Variants in CNTN5 observed in about 807,000 individuals in gnomAD.
CNTN5 encodes the protein contactin-5.
A neutral mutation model predicts 129.1 loss-of-function variants in CNTN5; 77 were observed. The ratio of observed to expected loss-of-function variants is 0.60; its 90% CI spans 0.50 to 0.72. The LOEUF (loss-of-function observed/expected upper bound fraction) is 0.72. Among genes scored for constraint, CNTN5 ranks in the 30% least tolerant of loss-of-function variants. The probability of loss-of-function intolerance (pLI) is 0.00; values close to 1 mark genes in which losing one functional copy is unlikely to be tolerated. For synonymous variants in CNTN5, 509 were observed against 465.6 expected, an observed-to-expected ratio of 1.09 and a Z score of -1.20; for missense variants, 1,478 against 1,328.8, an observed-to-expected ratio of 1.11 and a Z score of -1.75.
chr11:99,651,651 TTAAAA>T (rs1377073122), intron 3 of CNTN5, among the ~76,000 whole-genome samples: 1 of 152,134 alleles, frequency 6.6e-6, no homozygotes, highest in African/African-American at 2.4e-5. Flanking sequence ...ACCCATCTAG[TTAAAA>T]TAAAATGAAG....
chr11:100,055,029 A>G (rs12803699), intron 9 of CNTN5, among the ~76,000 whole-genome samples: 1 of 42,344 alleles, frequency 2.4e-5, no homozygotes, highest in Non-Finnish European at 4.4e-5. Context: ...GCCGTAGCCT[A>G]AAAAAAAAAA....
chr11:100,094,112 A>C (rs1591230237), intron 13 of CNTN5, among the ~76,000 whole-genome samples: 1 of 152,244 alleles, frequency 6.6e-6, no homozygotes, highest in African/African-American at 2.4e-5. Context: ...TTGGGTTAAA[A>C]AAATTAAAAA....
chr11:99,536,112 A>G (rs1423726044), intron 2 of CNTN5, among the ~76,000 whole-genome samples: 2 of 152,150 alleles, frequency 1.3e-5, no homozygotes, highest in Non-Finnish European at 2.9e-5. Context: ...TTAACTGATG[A>G]AACTGCAATG....
chr11:99,400,386 TC>T (rs1178596755), intron 2 of CNTN5, among the ~76,000 whole-genome samples: 1 of 152,150 alleles, frequency 6.6e-6, no homozygotes, highest in Non-Finnish European at 1.5e-5. Context: ...TTGTTGCTTA[TC>T]AAATGGTGAG....
intron 1 of CNTN5, among the ~76,000 whole-genome samples, chr11:99,263,976 C>T (rs146140920): frequency 4.4e-4 from 67 of 152,160 alleles, no homozygotes; most frequent in East Asian, 2.7e-3. Context: ...TTATCATTTA[C>T]TTTATATGCT....
chr11:99,556,405 A>G lies in CNTN5; in HGVS notation c.55+136A>G, dbSNP rs905723694. On this transcript the variant is annotated intron_variant, in intron 3 of 24. Transcript: ENST00000524871. ...GTATTTATACTTTCCAACAAGAGAA[A>G]GGCAGCAACCCTTAAGCCGCTGTTA... The G allele has an allele frequency of 6.1e-6, 3 of 490,040 alleles. No individual in the cohort carries two copies. In the East Asian group the frequency reaches 9.6e-5, roughly 16 times the overall value. The allele number at this position is 490,040 out of a possible 1,614,324, so 30.4% of individuals were successfully genotyped here. A position where few individuals can be genotyped will look rare whatever the true frequency, so the allele number is the denominator to read the frequency against.
At chr11:99,266,806 T>C (rs139609665) in intron 1 of CNTN5, among the ~76,000 whole-genome samples, 6 of 151,968 alleles carry the variant, frequency 3.9e-5, no homozygotes, top group Non-Finnish European at 8.8e-5. Context: ...GAGGAACAAG[T>C]GTACTTTGCC....
intron 3 of CNTN5, among the ~76,000 whole-genome samples, chr11:99,758,397 A>T (rs55993146): frequency 0.036 from 5,406 of 152,202 alleles, 140 homozygotes; most frequent in South Asian, 0.099. Flanking sequence ...CTAACGTATA[A>T]CATATAAAGC....
intron 2 of CNTN5, among the ~76,000 whole-genome samples, chr11:99,448,856 C>A (rs777915176): frequency 1.8e-4 from 27 of 151,194 alleles, no homozygotes; most frequent in Middle Eastern, 3.4e-3. Context: ...TGGCTCATTG[C>A]AGCCTCTGTC....
Position 99,252,672 on chromosome 11 carries a change from A to G in CNTN5, c.-209-72674A>G, listed in dbSNP as rs1010134377. 3.3e-5 allele frequency among the ~76,000 whole-genome samples: 5 copies of G among 152,006 alleles called. No homozygotes were observed. The East Asian group carries it at 7.7e-4, about 24-fold the overall frequency. On this transcript the variant is annotated intron_variant, in intron 1 of 24. Transcript: ENST00000524871. ...AAAATATTAACCCATTGTGGCTTAA[A>G]GTTTAATTCGCTAGTTACTAATCAA...
At chr11:99,788,123 C>T (rs1591179703) in intron 3 of CNTN5, among the ~76,000 whole-genome samples, 1 of 151,894 alleles carries the variant, frequency 6.6e-6, no homozygotes, top group Non-Finnish European at 1.5e-5. Context: ...GTGATCTCTT[C>T]CAGTTTGTAC....
chr11:99,499,301 G>A (rs773966469), intron 2 of CNTN5, among the ~76,000 whole-genome samples: 32 of 152,140 alleles, frequency 2.1e-4, no homozygotes, highest in Admixed American at 3.9e-4. Context: ...TTCCCAGTGT[G>A]ATAGTATGTA....
intron 13 of CNTN5, among the ~76,000 whole-genome samples, chr11:100,092,542 C>T (rs926769905): frequency 3.9e-5 from 6 of 152,128 alleles, no homozygotes; most frequent in African/African-American, 1.4e-4. Flanking sequence ...TGTTTAAAAC[C>T]CACAAGTAAA....
At chr11:99,894,182 A>G (rs562570657) in intron 6 of CNTN5, among the ~76,000 whole-genome samples, 1 of 152,170 alleles carries the variant, frequency 6.6e-6, no homozygotes, top group African/African-American at 2.4e-5. Context: ...TATATTGCTC[A>G]TGGTGGCATA....
At chr11:99,105,506 A>G (rs1157003515) in intron 1 of CNTN5, among the ~76,000 whole-genome samples, 1 of 152,150 alleles carries the variant, frequency 6.6e-6, no homozygotes, top group East Asian at 1.9e-4. Context: ...ACAGCATCAT[A>G]TTCCTACAAC....
At chr11:100,283,425 C>T (rs2138826682) in intron 18 of CNTN5, among the ~76,000 whole-genome samples, 1 of 152,160 alleles carries the variant, frequency 6.6e-6, no homozygotes, top group African/African-American at 2.4e-5. Context: ...ACTCCCCTAG[C>T]ACTCTACCCC....
At chr11:99,851,087 C>G (rs1314795341) in intron 6 of CNTN5, among the ~76,000 whole-genome samples, 1 of 151,926 alleles carries the variant, frequency 6.6e-6, no homozygotes, top group Non-Finnish European at 1.5e-5. Context: ...TCATCCACCC[C>G]CAACCTGCCT....
intron 13 of CNTN5, among the ~76,000 whole-genome samples, chr11:100,181,231 A>G (rs1284573320): frequency 2.6e-5 from 4 of 152,052 alleles, no homozygotes; most frequent in African/African-American, 9.7e-5. Context: ...AATAAAAGGA[A>G]ATAAACTACT....
intron 1 of CNTN5, among the ~76,000 whole-genome samples, chr11:99,132,981 C>A (rs530731106): frequency 6.6e-5 from 10 of 152,174 alleles, no homozygotes; most frequent in African/African-American, 2.4e-4. Flanking sequence ...AAGCTGGAGG[C>A]ACCATGTTAC....
Sources: allele counts gnomAD v4.1 joint callset (sites outside exome capture counted in the v4.1 genomes callset), GRCh38; gene constraint gnomAD v4.1.1; transcripts MANE v1.5; gene names NCBI Gene and HGNC (gene_info 2026-07-23, HGNC 2026-07-21).